The following HOXA10 variants were observed in gnomAD, a reference collection of about 807,000 sequenced individuals.
The protein encoded by HOXA10 is homeobox protein Hox-A10.
Under a neutral mutation model 29.7 loss-of-function variants are expected in HOXA10, and 12 were observed. The observed-to-expected ratio is 0.40, with a 90% confidence interval of 0.26 to 0.65. The LOEUF (loss-of-function observed/expected upper bound fraction) is 0.65, where lower values mean the gene tolerates loss of function less well. Ranked by LOEUF, HOXA10 falls within the 30% of genes least tolerant of loss-of-function variation. The pLI is 0.37. For synonymous variants in HOXA10, 327 were observed against 280.7 expected (o/e 1.16, Z -1.65); for missense variants, 656 against 585.9 (o/e 1.12, Z -1.24).
Position 27,174,110 on chromosome 7 carries a change from G to T in HOXA10, c.197C>A (p.Pro66Gln), listed in dbSNP as rs781368034. 3 of 1,578,502 alleles carry T rather than the reference G, an allele frequency of 1.9e-6. No individual in the cohort carries two copies. Among genetic ancestry groups the T allele is most frequent in the South Asian group, 1.1e-5 (1 of 89,972 alleles). The change falls in exon 1 of 2, where the codon CCG (proline) becomes CAG (glutamine). Residue 66 changes from proline to glutamine, a missense_variant. By Grantham distance (76) the Pro-to-Gln change is moderately conservative. This residue lies in a region of HOXA10 where 594 missense variants were observed against 491.9 expected (regional missense o/e 1.21). Coordinates refer to ENST00000283921, the MANE Select transcript of HOXA10 (RefSeq NM_018951.4). Reference sequence around the variant, plus strand: ...CCCGTAGGGCAGGTCGGCGGCGGGCGGCAGGTAGACCCCGCCGTGGGCGTA... The same window carrying T: ...CCCGTAGGGCAGGTCGGCGGCGGGCTGCAGGTAGACCCCGCCGTGGGCGTA... ...GYYAHGGVYLPPAADLPYGLQ... is the reference protein window; with the variant it reads ...GYYAHGGVYLQPAADLPYGLQ...
In HOXA10 at chr7:27,174,064, G is replaced by C. The variant is rs773022987; in HGVS notation, c.243C>G (p.Phe81Leu). 1 of 1,551,664 alleles carries C rather than the reference G, an allele frequency of 6.4e-7. No individual in the cohort carries two copies. The highest frequency in any genetic ancestry group is 8.7e-7 in the Non-Finnish European group (1 of 1,155,276). ...CATTGCGCTTGCCGCCCAGCGTGGG[G>C]AAGAGCCCGCAGCTCTGCAGCCCGT... ...LPYGLQSCGLFPTLGGKRNEA... is the reference protein window; with the variant it reads ...LPYGLQSCGLLPTLGGKRNEA... Residue 81 changes from phenylalanine to leucine, a missense_variant, in exon 1 of 2, where the codon TTC becomes TTG. Around this residue, in one of 2 missense-constraint regions of HOXA10, gnomAD observed 594 missense variants for 491.9 expected, o/e 1.21. Coordinates refer to ENST00000283921, the MANE Select transcript of HOXA10 (RefSeq NM_018951.4).
intron 1 of HOXA10, 45 bp downstream of exon 1, chr7:27,173,304 T>TGCCTGTCTGCCC (rs758498547): frequency 6.2e-7 from 1 of 1,608,606 alleles, no homozygotes; most frequent in Non-Finnish European, 8.5e-7. Flanking sequence ...TCCTTGTGTC[T>TGCCTGTCTGCCC]GCCTGTCTGC....
At chr7:27,176,782 A>G (rs2115455618), upstream of HOXA10, among the ~76,000 whole-genome samples, 1 of 152,384 alleles carries the variant, frequency 6.6e-6, no homozygotes, top group South Asian at 2.1e-4. Context: ...CAAATAAAGT[A>G]AAAGACAATG....
chr7:27,175,875 T>TCCCAG (rs1014886327), upstream of HOXA10, among the ~76,000 whole-genome samples: 3 of 152,176 alleles, frequency 2.0e-5, no homozygotes, highest in Non-Finnish European at 4.4e-5. Context: ...GCCTCCTTCC[T>TCCCAG]CCCAGTGTGA....
At chr7:27,177,611 G>A (rs1783677332), upstream of HOXA10, among the ~76,000 whole-genome samples, 1 of 152,174 alleles carries the variant, frequency 6.6e-6, no homozygotes, top group Non-Finnish European at 1.5e-5. Flanking sequence ...TAACACTGGA[G>A]TGTTAGGTTT....
In HOXA10 at chr7:27,173,396, G is replaced by C. The variant is rs1783557539; in HGVS notation, c.911C>G (p.Pro304Arg). The change falls in exon 1 of 2, where the codon CCG becomes CGG. Residue 304 changes from proline (P) to arginine (R), a missense_variant. Coordinates refer to ENST00000283921, the MANE Select transcript of HOXA10 (RefSeq NM_018951.4). ...ASSSAAEELS[P>R]APSESSKASP... ...GGCTTTGCTGCTCTCGGAAGGGGCCGGGGAGAGCTCCTCCGCGGCCGAGGA... is the reference window on the plus strand; with the variant it reads ...GGCTTTGCTGCTCTCGGAAGGGGCCCGGGAGAGCTCCTCCGCGGCCGAGGA... The C allele has an allele frequency of 1.2e-6, 2 of 1,611,434 alleles. No individual in the cohort carries two copies. The highest frequency in any genetic ancestry group is 1.7e-6 in the Non-Finnish European group (2 of 1,179,616).
intron 1 of HOXA10, 104 bp downstream of exon 1, chr7:27,173,245 C>T (rs1783549628): frequency 1.3e-6 from 2 of 1,550,160 alleles, no homozygotes. Flanking sequence ...CAGCTTGGGC[C>T]AAGGCCGGCC....
At chr7:27,177,828 A>G (rs1783680387), upstream of HOXA10, among the ~76,000 whole-genome samples, 2 of 152,274 alleles carry the variant, frequency 1.3e-5, no homozygotes. Flanking sequence ...CTAAATCTTC[A>G]GTGCCTGCTT....
upstream of HOXA10, among the ~76,000 whole-genome samples, chr7:27,177,303 G>A (rs998653361): frequency 1.3e-5 from 2 of 152,250 alleles, no homozygotes; most frequent in Admixed American, 6.5e-5. Flanking sequence ...TAAACCAAAC[G>A]GGATGTTGGG....
At position 27,174,154 on chromosome 7, in the gene HOXA10, G is replaced by C. The variant is rs951027963; in HGVS notation, c.153C>G (p.Gly51=). 1.3e-6 allele frequency: 2 copies of C among 1,595,180 alleles called. No homozygotes were observed. The highest frequency in any genetic ancestry group is 1.7e-6 in the Non-Finnish European group (2 of 1,178,816). The part of the protein sequence containing the change: ...EAGGGGGGAG[G]GGGGGYYAHG... ...GGGCGTAGTAACCGCCACCGCCGCC[G>C]CCCCCCGCGCCACCACCACCGCCGC... The change falls in exon 1 of 2, where the codon GGC becomes GGG. Residue 51 remains glycine, a synonymous_variant. Transcript: ENST00000283921.
chr7:27,175,521 T>C (rs1234300600), upstream of HOXA10, among the ~76,000 whole-genome samples: 2 of 152,186 alleles, frequency 1.3e-5, no homozygotes, highest in Non-Finnish European at 2.9e-5. Flanking sequence ...CTCATGGTCC[T>C]GTTATAAGAG....
chr7:27,171,670 T>C lies in HOXA10; in HGVS notation c.*229A>G. ...CTATCTCTATAGAATTTTAGCATGATATGGCTTTTTCCCCCAGAAAACAAC... is the reference window on the plus strand; with the variant it reads ...CTATCTCTATAGAATTTTAGCATGACATGGCTTTTTCCCCCAGAAAACAAC... On this transcript the variant is annotated 3_prime_UTR_variant, in exon 2 of 2. Coordinates refer to ENST00000283921, the MANE Select transcript of HOXA10 (RefSeq NM_018951.4). 3 of 685,934 alleles carry C rather than the reference T, an allele frequency of 4.4e-6. 1 individual carries two copies. In the South Asian group the frequency reaches 4.5e-5, roughly 10 times the overall value. The allele number at this position is 685,934 out of a possible 1,614,324, so 42.5% of individuals were successfully genotyped here. A position where few individuals can be genotyped will look rare whatever the true frequency, so the allele number is the denominator to read the frequency against.
At position 27,171,998 on chromosome 7, in the gene HOXA10, T is replaced by C; in HGVS notation, c.1134A>G (p.Arg378=). 2 of 1,614,210 alleles carry C rather than the reference T, an allele frequency of 1.2e-6. No homozygotes were observed. The highest frequency in any genetic ancestry group is 1.7e-6 in the Non-Finnish European group (2 of 1,180,022). The stretch of plus-strand genomic sequence containing the variant: ...GGTTCTGAAACCAGATTTTCACTTG[T>C]CTGTCCGTGAGGTGGACGCTGCGGC... ...EISRSVHLTD[R]QVKIWFQNRR... is the part of the protein sequence containing the mutation. The change falls in exon 2 of 2, where the codon AGA becomes AGG. Residue 378 remains arginine, a synonymous_variant. Coordinates refer to ENST00000283921, the MANE Select transcript of HOXA10 (RefSeq NM_018951.4).
At position 27,173,909 on chromosome 7, in the gene HOXA10, G is replaced by A. The variant is rs774185135; in HGVS notation, c.398C>T (p.Pro133Leu). ...CGGCTGCTGCTGGGGCGGCGGCGGC[G>A]GCCCGTCAGGCGGCTCCATCCGGCA... ...RSCRMEPPDG[P>L]PPPPQQQPPP... The change falls in exon 1 of 2, where the codon CCG becomes CTG. Residue 133 changes from proline to leucine, a missense_variant. Pro to Leu is a moderately conservative substitution (Grantham distance 98, BLOSUM62 -3). Coordinates refer to ENST00000283921, the MANE Select transcript of HOXA10 (RefSeq NM_018951.4). 2.6e-6 allele frequency: 4 copies of A among 1,522,502 alleles called. No individual in the cohort carries two copies. Among genetic ancestry groups the A allele is most frequent in the Non-Finnish European group, 3.5e-6 (4 of 1,137,076 alleles). 94.3% of individuals were successfully genotyped at this position (1,522,502 alleles called of 1,614,324 possible).
upstream of HOXA10, chr7:27,174,345 C>T: frequency 6.3e-7 from 1 of 1,593,472 alleles, no homozygotes; most frequent in Non-Finnish European, 8.5e-7. Context: ...TAGCAATCCC[C>T]CCGCACCGCG....
At chr7:27,172,309 G>C in intron 1 of HOXA10, 136 bp from the exon 2 acceptor site, 1 of 913,340 alleles carries the variant, frequency 1.1e-6, no homozygotes. Context: ...CCCGTTTTTG[G>C]CTTGCTGAGA....
At chr7:27,178,700 C>T (rs374851505), upstream of HOXA10, among the ~76,000 whole-genome samples, 6 of 152,160 alleles carry the variant, frequency 3.9e-5, no homozygotes, top group African/African-American at 7.2e-5. Flanking sequence ...GCAAAATTTA[C>T]GCAACAAACA....
In HOXA10 at chr7:27,174,070, C is replaced by G; in HGVS notation, c.237G>C (p.Gly79=). ...GCTTGCCGCCCAGCGTGGGGAAGAG[C>G]CCGCAGCTCTGCAGCCCGTAGGGCA... ...ADLPYGLQSC[G]LFPTLGGKRN... Residue 79 remains glycine (G), a synonymous_variant, in exon 1 of 2, where the codon GGG becomes GGC. Transcript: ENST00000283921. The G allele has an allele frequency of 6.4e-7, 1 of 1,554,846 alleles. No homozygotes were observed.
intron 1 of HOXA10, 38 bp from the exon 2 acceptor site, chr7:27,172,211 G>A: frequency 1.2e-6 from 2 of 1,609,304 alleles, no homozygotes; most frequent in Non-Finnish European, 1.7e-6. Flanking sequence ...TGATTAAGTC[G>A]AGGCCACACG....
Sources: gnomAD v4.1 joint callset for allele counts (sites outside exome capture counted in the v4.1 genomes callset) on GRCh38, gnomAD v4.1.1 for gene constraint, gnomAD v4.1.1 regional missense constraint, MANE v1.5 for transcripts, NCBI Gene and HGNC (gene_info 2026-07-23, HGNC 2026-07-21) for gene names.